FAM193A: variants seen among roughly 807,000 people sequenced by gnomAD.
FAM193A encodes protein FAM193A.
A neutral mutation model predicts 126.5 loss-of-function variants in FAM193A; 22 were observed. The ratio of observed to expected loss-of-function variants is 0.17; its 90% CI spans 0.12 to 0.25. The LOEUF is 0.25. Among genes scored for constraint, FAM193A ranks in the 10% least tolerant of loss-of-function variants. The probability of loss-of-function intolerance (pLI) is 1.00; values close to 1 mark genes in which losing one functional copy is unlikely to be tolerated. For synonymous variants in FAM193A, 761 were observed against 646.8 expected, an observed-to-expected ratio of 1.18 and a Z score of -2.68; for missense variants, 1,675 against 1,672.8, an observed-to-expected ratio of 1.00 and a Z score of -0.02.
intron 5 of FAM193A, among the ~76,000 whole-genome samples, chr4:2,639,452 C>G (rs111718452): frequency 1.2e-4 from 18 of 152,238 alleles, no homozygotes; most frequent in African/African-American, 4.1e-4. Context: ...TGCTTTGTCT[C>G]TGTGCACACC....
chr4:2,706,194 A>G (rs1446937034), intron 19 of FAM193A, among the ~76,000 whole-genome samples: 2 of 152,102 alleles, frequency 1.3e-5, no homozygotes, highest in African/African-American at 4.8e-5. Context: ...GTCTATAATG[A>G]GACCTTGTTT....
intron 2 of FAM193A, among the ~76,000 whole-genome samples, chr4:2,604,590 C>G (rs968233364): frequency 2.0e-5 from 3 of 152,028 alleles, no homozygotes; most frequent in Non-Finnish European, 2.9e-5. Flanking sequence ...CATCTGTGGT[C>G]GTGCCTTTCT....
chr4:2,585,443 T>C (rs1197308039), intron 1 of FAM193A, among the ~76,000 whole-genome samples: 1 of 152,230 alleles, frequency 6.6e-6, no homozygotes, highest in Non-Finnish European at 1.5e-5. Context: ...GGTACTATGA[T>C]TTAATTTATC....
chr4:2,681,711 G>A (rs1383229255), intron 13 of FAM193A, among the ~76,000 whole-genome samples: 1 of 152,102 alleles, frequency 6.6e-6, no homozygotes, highest in Admixed American at 6.5e-5. Flanking sequence ...CAGTCCTCCT[G>A]CCTCAGCCTC....
intron 1 of FAM193A, among the ~76,000 whole-genome samples, chr4:2,567,058 G>A (rs1739006982): frequency 6.6e-6 from 1 of 150,922 alleles, no homozygotes; most frequent in African/African-American, 2.4e-5. Context: ...TCCTGCCTCA[G>A]CCTCCCGAGT....
chr4:2,553,405 G>A (rs528120993), intron 1 of FAM193A, among the ~76,000 whole-genome samples: 3 of 145,286 alleles, frequency 2.1e-5, no homozygotes, highest in South Asian at 2.2e-4. Flanking sequence ...TTTTTGAGGC[G>A]GAGTCTCACA....
intron 13 of FAM193A, among the ~76,000 whole-genome samples, chr4:2,673,755 G>A (rs1714085072): frequency 6.6e-6 from 1 of 152,118 alleles, no homozygotes; most frequent in Non-Finnish European, 1.5e-5. Context: ...TCTGTTAGAT[G>A]TTTTTGCTGC....
intron 1 of FAM193A, among the ~76,000 whole-genome samples, chr4:2,566,801 C>A (rs1237973384): frequency 6.6e-6 from 1 of 152,154 alleles, no homozygotes; most frequent in Non-Finnish European, 1.5e-5. Flanking sequence ...TGAAATTTTG[C>A]AGCTTGTTTA....
At position 2,561,083 on chromosome 4, in the gene FAM193A, A is replaced by C. The variant is rs191733536; in HGVS notation, c.255+23913A>C. 2.0e-5 allele frequency among the ~76,000 whole-genome samples: 3 copies of C among 152,318 alleles called. No homozygotes were observed. In the East Asian group the frequency reaches 5.8e-4, roughly 29 times the overall value. On this transcript the variant is annotated intron_variant, in intron 1 of 20. Transcript: ENST00000637812. Reference sequence around the variant, plus strand: ...TTTGCTTACTCTCCAGGCTTTGGTGAACTTTTATGTCCTTACAACACCTTG... The same window carrying C: ...TTTGCTTACTCTCCAGGCTTTGGTGCACTTTTATGTCCTTACAACACCTTG...
chr4:2,668,364 C>G (rs1479976975), intron 12 of FAM193A, among the ~76,000 whole-genome samples: 1 of 152,026 alleles, frequency 6.6e-6, no homozygotes, highest in Non-Finnish European at 1.5e-5. Context: ...CAGATGCGCA[C>G]CACCACGCCC....
intron 1 of FAM193A, among the ~76,000 whole-genome samples, chr4:2,563,061 C>T (rs569857784): frequency 3.3e-5 from 5 of 152,088 alleles, no homozygotes; most frequent in African/African-American, 7.2e-5. Context: ...TATCTTGCCT[C>T]AGCCTCCCAA....
chr4:2,557,557 G>T (rs778580877), intron 1 of FAM193A, among the ~76,000 whole-genome samples: 6 of 152,104 alleles, frequency 3.9e-5, no homozygotes, highest in East Asian at 1.9e-4. Flanking sequence ...CCTATGAAAT[G>T]GTGAAGCTTT....
At position 2,553,457 on chromosome 4, in the gene FAM193A, C is replaced by G. The variant is rs183207572; in HGVS notation, c.255+16287C>G. On this transcript the variant is annotated intron_variant, in intron 1 of 20. Coordinates refer to ENST00000637812, the MANE Select transcript of FAM193A (RefSeq NM_001366318.2). ...GTGCAGTGGTGCGATTTCGGCTCAC[C>G]GCAACCTCTGCCTCCCGGGTTCAAG... Among the ~76,000 whole-genome samples the G allele has an allele frequency of 4.0e-5, 6 of 149,926 alleles. No homozygotes were observed. The East Asian group carries it at 5.9e-4, about 15-fold the overall frequency.
At chr4:2,563,293 A>G (rs1424346433) in intron 1 of FAM193A, among the ~76,000 whole-genome samples, 1 of 152,182 alleles carries the variant, frequency 6.6e-6, no homozygotes, top group African/African-American at 2.4e-5. Flanking sequence ...CTGAGGCAAG[A>G]GAGACACTTC....
Position 2,693,772 on chromosome 4 carries a change from C to A in FAM193A, c.2990C>A (p.Ala997Glu). 1.2e-6 allele frequency: 2 copies of A among 1,614,246 alleles called. No individual in the cohort carries two copies. The change falls in exon 16 of 21, where the codon GCA (alanine) becomes GAA (glutamate). Residue 997 changes from alanine (A) to glutamate (E), a missense_variant. By Grantham distance (107) the Ala-to-Glu change is moderately radical. Transcript: ENST00000637812. ...GCAGCCCCATCATTCCCCAAAACAGCAACCACAACTCCTGGGTTTGTGGAC... is the reference window on the plus strand; with the variant it reads ...GCAGCCCCATCATTCCCCAAAACAGAAACCACAACTCCTGGGTTTGTGGAC... ...NLAAPSFPKTATTTPGFVDTR... is the reference protein window; with the variant it reads ...NLAAPSFPKTETTTPGFVDTR...
At chr4:2,720,594 G>C (rs1720020007) in intron 20 of FAM193A, among the ~76,000 whole-genome samples, 1 of 150,918 alleles carries the variant, frequency 6.6e-6, no homozygotes, top group East Asian at 1.9e-4. Context: ...CAAGGCTACA[G>C]TGAGCCAAGA....
chr4:2,716,519 AC>A (rs1026925294), intron 20 of FAM193A, among the ~76,000 whole-genome samples: 7 of 152,244 alleles, frequency 4.6e-5, no homozygotes, highest in Admixed American at 4.6e-4. Context: ...CTTCCGGGTG[AC>A]CCTCACATAT....
chr4:2,630,665 G>A (rs951562156), intron 4 of FAM193A, among the ~76,000 whole-genome samples: 2 of 152,246 alleles, frequency 1.3e-5, no homozygotes, highest in African/African-American at 4.8e-5. Context: ...CCCACACACA[G>A]CGAACTGAAT....
rs538157299 is a variant in FAM193A at position 2,611,100 on chromosome 4, G to A, written c.502-14162G>A. Among the ~76,000 whole-genome samples, 45 of 152,236 alleles carry A rather than the reference G, an allele frequency of 3.0e-4. No homozygotes were observed. In the South Asian group the frequency reaches 8.9e-3, roughly 30 times the overall value. ...TTGATAAACACCTGGGAGTGGAATT[G>A]CTGAGTCCTATAGGGTAAGTGCTTA... On this transcript the variant is annotated intron_variant, in intron 2 of 20. Coordinates refer to ENST00000637812, the MANE Select transcript of FAM193A (RefSeq NM_001366318.2).
Sources: gnomAD v4.1 joint callset for allele counts (sites outside exome capture counted in the v4.1 genomes callset) on GRCh38, gnomAD v4.1.1 for gene constraint, MANE v1.5 for transcripts, NCBI Gene and HGNC (gene_info 2026-07-23, HGNC 2026-07-21) for gene names.